The following SPATA7 variants were observed in gnomAD, a reference collection of about 807,000 sequenced individuals.
SPATA7 encodes spermatogenesis-associated protein 7.
SPATA7 carries 43 observed loss-of-function variants against 51.8 expected under a neutral mutation model. That is an observed-to-expected ratio of 0.83 (90% CI 0.65 to 1.07). The LOEUF (loss-of-function observed/expected upper bound fraction) is 1.07, where lower values mean the gene tolerates loss of function less well. Ranked by LOEUF, SPATA7 falls within the 50% of genes least tolerant of loss-of-function variation. The pLI, the probability that SPATA7 is intolerant of heterozygous loss-of-function variation, is 0.00. For synonymous variants in SPATA7, 230 were observed against 252.8 expected (o/e 0.91, Z 0.86); for missense variants, 683 against 701.3 (o/e 0.97, Z 0.30).
chr14:88,431,088 G>T, intron 8 of SPATA7, 84 bp from the exon 9 acceptor site: 2 of 1,172,032 alleles, frequency 1.7e-6, no homozygotes, highest in Admixed American at 3.4e-5. Flanking sequence ...GGGCTATTCA[G>T]TGTGTACTAA....
At chr14:88,399,107 A>G (rs2075986020) in intron 4 of SPATA7, among the ~76,000 whole-genome samples, 1 of 152,180 alleles carries the variant, frequency 6.6e-6, no homozygotes, top group Non-Finnish European at 1.5e-5. Flanking sequence ...ATTCATGCTA[A>G]ATGATAAATG....
At position 88,438,006 on chromosome 14, in the gene SPATA7, C is replaced by G. The variant is rs1479425313; in HGVS notation, c.1384C>G (p.Gln462Glu). 6.2e-7 allele frequency: 1 copy of G among 1,613,902 alleles called. No homozygotes were observed. The highest frequency in any genetic ancestry group is 8.5e-7 in the Non-Finnish European group (1 of 1,179,998). Residue 462 changes from glutamine (Q) to glutamate (E), a missense_variant, in exon 12 of 12, where the codon CAG becomes GAG. Physicochemically the swap from Gln to Glu is conservative, Grantham distance 29. Coordinates refer to ENST00000393545, the MANE Select transcript of SPATA7 (RefSeq NM_018418.5). ...LKNESEVTIQQERQQYQKALD... is the reference protein window; with the variant it reads ...LKNESEVTIQEERQQYQKALD... ...AAATGAAAGTGAAGTAACAATTCAG[C>G]AGGAACGTCAACAATACCAAAAGGC...
At chr14:88,402,959 C>A (rs1376096773) in intron 4 of SPATA7, among the ~76,000 whole-genome samples, 77 of 61,998 alleles carry the variant, frequency 1.2e-3, no homozygotes, top group African/African-American at 1.9e-3. Context: ...AACTCAATAG[C>A]AAAAAAAAAA....
rs2077414186 is a variant in SPATA7, at chr14:88,469,173, G to A, written c.255-674G>A. The A allele has an allele frequency of 3.7e-6, 5 of 1,348,244 alleles. No individual in the cohort carries two copies. The highest frequency in any genetic ancestry group is 5.0e-6 in the Non-Finnish European group (5 of 992,126). 83.5% of individuals were successfully genotyped at this position (1,348,244 alleles called of 1,614,324 possible). On this transcript the variant is annotated intron_variant, in intron 4 of 4. Coordinates refer to the SPATA7 transcript ENST00000556406. This position sits in a 1 kb window ranked among gnomAD's most constrained non-coding sequence, Gnocchi z 4.3. ...ATTCTCTCCACTGATTAAGAGGACTGCAGATAAAGAGCACTGGGTGCCAGT... is the reference window on the plus strand; with the variant it reads ...ATTCTCTCCACTGATTAAGAGGACTACAGATAAAGAGCACTGGGTGCCAGT...
chr14:88,399,352 G>A lies in SPATA7; in HGVS notation c.238+3149G>A, dbSNP rs187810450. On this transcript the variant is annotated intron_variant, in intron 4 of 11. Transcript: ENST00000393545. ...CTTTTTATGTTTGCAACAAACCTTC[G>A]TGTAGGCTGTCATATTTTTGAAGGA... is the stretch of plus-strand genomic sequence containing the variant. 3.4e-4 allele frequency among the ~76,000 whole-genome samples: 52 copies of A among 152,182 alleles called. No individual in the cohort carries two copies. The East Asian group carries it at 8.9e-3, about 26-fold the overall frequency.
At chr14:88,460,636 TC>T (rs1211911594) in intron 4 of SPATA7, among the ~76,000 whole-genome samples, 8 of 152,222 alleles carry the variant, frequency 5.3e-5, no homozygotes, top group African/African-American at 1.9e-4. Context: ...GTTTTTAGCT[TC>T]TTTGCAGTGG....
At chr14:88,459,153 A>G (rs1475994399), downstream of SPATA7, among the ~76,000 whole-genome samples, 1 of 152,166 alleles carries the variant, frequency 6.6e-6, no homozygotes, top group African/African-American at 2.4e-5. Flanking sequence ...TATGTGGTCA[A>G]TTTTGGAATA....
chr14:88,387,063 G>A (rs2075600285), intron 1 of SPATA7, among the ~76,000 whole-genome samples: 1 of 152,176 alleles, frequency 6.6e-6, no homozygotes, highest in African/African-American at 2.4e-5. Context: ...ATAGGCATTA[G>A]CCTTATTTCA....
At chr14:88,412,336 T>TCA (rs963794914) in intron 4 of SPATA7, among the ~76,000 whole-genome samples, 1 of 151,980 alleles carries the variant, frequency 6.6e-6, no homozygotes, top group Non-Finnish European at 1.5e-5. Context: ...ACTCACATGA[T>TCA]CACAAGGTCC....
At chr14:88,464,780 T>G (rs1052292238) in intron 4 of SPATA7, among the ~76,000 whole-genome samples, 10 of 152,190 alleles carry the variant, frequency 6.6e-5, no homozygotes, top group Admixed American at 5.9e-4. Context: ...TTCCATTTCT[T>G]TATGCAAATC....
At chr14:88,468,991 G>A in intron 4 of SPATA7, 10 of 1,614,214 alleles carry the variant, frequency 6.2e-6, no homozygotes, top group Non-Finnish European at 8.5e-6. Flanking sequence ...CAGCACTGCA[G>A]TGGACCAACA....
downstream of SPATA7, among the ~76,000 whole-genome samples, chr14:88,442,035 A>G (rs2077181700): frequency 6.6e-6 from 1 of 152,160 alleles, no homozygotes; most frequent in East Asian, 1.9e-4. Context: ...AGAGATGAGG[A>G]TCGAGTTTCA....
intron 4 of SPATA7, among the ~76,000 whole-genome samples, chr14:88,406,968 A>G (rs575509520): frequency 9.2e-5 from 14 of 152,270 alleles, no homozygotes; most frequent in East Asian, 7.7e-4. Flanking sequence ...ATAGTATTCT[A>G]TGGTGTATAT....
intron 4 of SPATA7, among the ~76,000 whole-genome samples, chr14:88,401,921 T>TA (rs1448006778): frequency 7.5e-6 from 1 of 133,298 alleles, no homozygotes; most frequent in African/African-American, 2.8e-5. Context: ...TAATGCCCAA[T>TA]AAAAAAGAAC....
intron 1 of SPATA7, among the ~76,000 whole-genome samples, chr14:88,387,282 T>G (rs1415007985): frequency 6.6e-6 from 1 of 152,216 alleles, no homozygotes; most frequent in Non-Finnish European, 1.5e-5. Flanking sequence ...TTGAATTATT[T>G]TAAAAATTGG....
At chr14:88,454,442 G>C (rs193147943) in intron 3 of SPATA7, among the ~76,000 whole-genome samples, 5 of 152,278 alleles carry the variant, frequency 3.3e-5, no homozygotes, top group African/African-American at 1.2e-4. Context: ...CAGGGGATTA[G>C]GATATGGACA....
chr14:88,417,317 T>A (rs1283643417), intron 5 of SPATA7, among the ~76,000 whole-genome samples: 12 of 102,956 alleles, frequency 1.2e-4, no homozygotes, highest in Non-Finnish European at 1.6e-4. Flanking sequence ...TTTTTTTTTT[T>A]ATATATATAT....
intron 5 of SPATA7, among the ~76,000 whole-genome samples, chr14:88,421,673 G>A (rs867350947): frequency 1.3e-5 from 2 of 152,258 alleles, no homozygotes; most frequent in South Asian, 2.1e-4. Context: ...AATCTCGGCC[G>A]GGCGTGGTGG....
chr14:88,390,129 A>T (rs73319869), intron 1 of SPATA7, among the ~76,000 whole-genome samples: 5,362 of 152,280 alleles, frequency 0.035, 309 homozygotes, highest in African/African-American at 0.12. Flanking sequence ...ATAGTATTGT[A>T]AGGATTAAAT....
Sources: gnomAD v4.1 joint callset for allele counts (sites outside exome capture counted in the v4.1 genomes callset) on GRCh38, gnomAD v4.1.1 for gene constraint, Gnocchi (gnomAD v3.1) non-coding constraint, MANE v1.5 for transcripts, NCBI Gene and HGNC (gene_info 2026-07-23, HGNC 2026-07-21) for gene names.